Variants in AHI1 observed in about 807,000 individuals in gnomAD.
AHI1 encodes the protein jouberin.
In AHI1, 123 loss-of-function variants were observed where a neutral mutation model predicts 149.3. That is an observed-to-expected ratio of 0.82 (90% CI 0.71 to 0.96). The LOEUF (loss-of-function observed/expected upper bound fraction) is 0.96. AHI1 is among the 40% of genes least tolerant of loss of function. AHI1 has a pLI of 0.00. For missense variants in AHI1, 1,439 were observed against 1,422.7 expected, an observed-to-expected ratio of 1.01 and a Z score of -0.18; for synonymous variants, 475 against 459.8, an observed-to-expected ratio of 1.03 and a Z score of -0.42.
intron 23 of AHI1, among the ~76,000 whole-genome samples, chr6:135,380,857 C>T (rs1776667385): frequency 4.0e-5 from 6 of 150,704 alleles, no homozygotes. Flanking sequence ...CCATTTTTTC[C>T]AGGTCTTTCC....
chr6:135,375,779 T>C (rs1195392409), intron 23 of AHI1, among the ~76,000 whole-genome samples: 3 of 152,202 alleles, frequency 2.0e-5, no homozygotes, highest in Non-Finnish European at 4.4e-5. Flanking sequence ...GATTCCCCAA[T>C]AGCAATGAGT....
chr6:135,419,557 T>C (rs1782856261), intron 20 of AHI1, among the ~76,000 whole-genome samples: 1 of 152,180 alleles, frequency 6.6e-6, no homozygotes, highest in African/African-American at 2.4e-5. Context: ...CACTATATTG[T>C]AGTCTATTAA....
chr6:135,426,366 A>G (rs916605844), intron 20 of AHI1, among the ~76,000 whole-genome samples: 2 of 151,720 alleles, frequency 1.3e-5, no homozygotes, highest in African/African-American at 4.8e-5. Context: ...GGAAGGCATA[A>G]TATAATCCAC....
intron 23 of AHI1, among the ~76,000 whole-genome samples, chr6:135,381,124 C>A (rs1319331763): frequency 6.6e-6 from 1 of 151,978 alleles, no homozygotes; most frequent in African/African-American, 2.4e-5. Flanking sequence ...TAAATCTTCA[C>A]TTCAAAATCA....
At chr6:135,493,368 A>G (rs931170965) in intron 3 of AHI1, among the ~76,000 whole-genome samples, 2 of 152,226 alleles carry the variant, frequency 1.3e-5, no homozygotes, top group African/African-American at 4.8e-5. Context: ...AGAAATGTCT[A>G]AGAAATTCTA....
At chr6:135,318,330 T>G (rs1461056091) in intron 26 of AHI1, 189 bp downstream of exon 26, 19 of 533,098 alleles carry the variant, frequency 3.6e-5, no homozygotes, top group Non-Finnish European at 6.3e-5. Flanking sequence ...TCTCTGGGCC[T>G]CCTCAGTTTC....
intron 24 of AHI1, among the ~76,000 whole-genome samples, chr6:135,326,298 G>C (rs1787673754): frequency 6.6e-6 from 1 of 152,136 alleles, no homozygotes; most frequent in African/African-American, 2.4e-5. Flanking sequence ...TTTTATAAGA[G>C]GAAGATACAG....
At chr6:135,323,631 A>G (rs1256725715) in intron 24 of AHI1, among the ~76,000 whole-genome samples, 1 of 152,156 alleles carries the variant, frequency 6.6e-6, no homozygotes, top group Admixed American at 6.5e-5. Flanking sequence ...CTCACACACC[A>G]TTTACTTTTT....
intron 26 of AHI1, among the ~76,000 whole-genome samples, chr6:135,317,947 C>G (rs955211488): frequency 6.6e-6 from 1 of 152,170 alleles, no homozygotes; most frequent in African/African-American, 2.4e-5. Flanking sequence ...GCTTATTAAA[C>G]CTTTCTACCA....
chr6:135,407,991 T>C (rs1001255137), intron 21 of AHI1, among the ~76,000 whole-genome samples: 14 of 151,568 alleles, frequency 9.2e-5, no homozygotes, highest in Non-Finnish European at 1.5e-4. Flanking sequence ...GCTGAGATCG[T>C]GCCACTGTAC....
intron 5 of AHI1, among the ~76,000 whole-genome samples, chr6:135,477,305 G>A (rs1207747082): frequency 6.6e-6 from 1 of 152,176 alleles, no homozygotes; most frequent in Admixed American, 6.5e-5. Flanking sequence ...CTCCCAAAAT[G>A]CTGGGATTAC....
At chr6:135,315,122 T>A (rs1284936165) in intron 26 of AHI1, among the ~76,000 whole-genome samples, 7 of 152,172 alleles carry the variant, frequency 4.6e-5, no homozygotes, top group Non-Finnish European at 7.4e-5. Flanking sequence ...TTCCTCTTCA[T>A]CCTAACTCTT....
At chr6:135,420,006 A>G (rs577135340) in intron 20 of AHI1, among the ~76,000 whole-genome samples, 199 of 152,278 alleles carry the variant, frequency 1.3e-3, no homozygotes, top group African/African-American at 4.7e-3. Context: ...ATCCATAAAA[A>G]ACAACTCATC....
chr6:135,352,092 A>T (rs544253507), intron 24 of AHI1, among the ~76,000 whole-genome samples: 1 of 152,238 alleles, frequency 6.6e-6, no homozygotes, highest in East Asian at 1.9e-4. Context: ...CCTTATCACC[A>T]CAAATGTAGA....
At chr6:135,480,898 G>A (rs1217303104) in intron 5 of AHI1, among the ~76,000 whole-genome samples, 1 of 152,190 alleles carries the variant, frequency 6.6e-6, no homozygotes, top group African/African-American at 2.4e-5. Flanking sequence ...GCAGGCAAGA[G>A]ACCTAGGTTG....
At chr6:135,472,504 T>C (rs1291851045) in intron 5 of AHI1, among the ~76,000 whole-genome samples, 2 of 152,230 alleles carry the variant, frequency 1.3e-5, no homozygotes, top group African/African-American at 4.8e-5. Context: ...GTTGGGTAAA[T>C]ACCCAGAAGT....
chr6:135,313,393 T>C (rs944144758), intron 26 of AHI1, among the ~76,000 whole-genome samples: 1 of 152,198 alleles, frequency 6.6e-6, no homozygotes, highest in Non-Finnish European at 1.5e-5. Flanking sequence ...ATATCCTCCA[T>C]GAGAACATTC....
chr6:135,442,809 T>C, intron 13 of AHI1, 95 bp from the exon 14 acceptor site: 1 of 1,168,294 alleles, frequency 8.6e-7, no homozygotes, highest in Non-Finnish European at 1.2e-6. Context: ...TTAAGTCCTT[T>C]TATGATGCAG....
chr6:135,401,158 T>C (rs1036707121), intron 22 of AHI1, among the ~76,000 whole-genome samples: 1 of 152,212 alleles, frequency 6.6e-6, no homozygotes, highest in African/African-American at 2.4e-5. Flanking sequence ...CATGACTAGC[T>C]CCTTGTTAAG....
Sources: gnomAD v4.1 joint callset for allele counts (sites outside exome capture counted in the v4.1 genomes callset) on GRCh38, gnomAD v4.1.1 for gene constraint, MANE v1.5 for transcripts, NCBI Gene and HGNC (gene_info 2026-07-23, HGNC 2026-07-21) for gene names.